The following KALRN variants were observed in gnomAD, a reference collection of about 807,000 sequenced individuals.
KALRN encodes the protein kalirin RhoGEF kinase.
Under a neutral mutation model 353.7 loss-of-function variants are expected in KALRN, and 70 were observed. The observed-to-expected ratio is 0.20, with a 90% CI of 0.16 to 0.24. The LOEUF (loss-of-function observed/expected upper bound fraction) is 0.24, where lower values mean the gene tolerates loss of function less well. KALRN is among the 10% of genes least tolerant of loss of function. KALRN has a pLI of 1.00. For synonymous variants in KALRN, 1,391 were observed against 1,434.8 expected (o/e 0.97, Z 0.69); for missense variants, 2,791 against 3,756.7 (o/e 0.74, Z 6.72).
chr3:124,319,120 T>G (rs2149357609), intron 6 of KALRN, among the ~76,000 whole-genome samples: 1 of 152,180 alleles, frequency 6.6e-6, no homozygotes, highest in South Asian at 2.1e-4. Context: ...TTGAGTAATT[T>G]CAACTTTGAT....
intron 34 of KALRN, among the ~76,000 whole-genome samples, chr3:124,572,333 A>C (rs987593529): frequency 2.0e-5 from 3 of 151,430 alleles, no homozygotes; most frequent in Non-Finnish European, 4.4e-5. Flanking sequence ...TCAAAAAAAA[A>C]CAAAAAACAA....
Position 124,720,380 on chromosome 3 carries a change from A to G in KALRN, c.*910A>G, listed in dbSNP as rs914642814. 4 of 152,674 alleles carry G rather than the reference A, an allele frequency of 2.6e-5. No individual in the cohort carries two copies. Among genetic ancestry groups the G allele is most frequent in the African/African-American group, 9.6e-5 (4 of 41,466 alleles). The allele number at this position is 152,674 out of a possible 1,614,324, so 9.5% of individuals were successfully genotyped here. ...GGTTTGAAATAAGTAAACAAATACA[A>G]GAGGTTCATATAAAAGGGCAAATGA... On this transcript the variant is annotated 3_prime_UTR_variant, in exon 60 of 60. Transcript: ENST00000682506.
At chr3:124,620,942 G>A (rs1010854150) in intron 34 of KALRN, among the ~76,000 whole-genome samples, 4 of 152,242 alleles carry the variant, frequency 2.6e-5, no homozygotes, top group Admixed American at 2.0e-4. Context: ...GGCCAGGGTC[G>A]TGGGGAGGAC....
At chr3:124,158,396 C>T (rs1184917476) in intron 1 of KALRN, among the ~76,000 whole-genome samples, 2 of 152,196 alleles carry the variant, frequency 1.3e-5, no homozygotes, top group Non-Finnish European at 2.9e-5. Context: ...AGCGTTTCTT[C>T]ATTACCTCTC....
At chr3:124,082,455 A>AGGT (rs2060592552) in intron 1 of KALRN, 1 of 365,174 alleles carries the variant, frequency 2.7e-6, no homozygotes, top group Non-Finnish European at 5.5e-6. Context: ...TTGGGGGGTG[A>AGGT]GGTGGTGGTG....
At chr3:124,297,836 C>T (rs1471733624) in intron 5 of KALRN, among the ~76,000 whole-genome samples, 1 of 152,214 alleles carries the variant, frequency 6.6e-6, no homozygotes, top group Non-Finnish European at 1.5e-5. Flanking sequence ...TCCACCCTTT[C>T]TCTACCCATT....
At chr3:124,502,656 G>A (rs1330259967) in intron 33 of KALRN, among the ~76,000 whole-genome samples, 1 of 152,146 alleles carries the variant, frequency 6.6e-6, no homozygotes, top group African/African-American at 2.4e-5. Context: ...GGATTTTGAA[G>A]GACTAGCTGA....
At chr3:124,696,821 C>T (rs333278) in intron 54 of KALRN, among the ~76,000 whole-genome samples, 7,905 of 152,342 alleles carry the variant, frequency 0.052, 337 homozygotes, top group African/African-American at 0.11. Flanking sequence ...CTTTCTGAAA[C>T]TGCATCTGTA....
intron 34 of KALRN, among the ~76,000 whole-genome samples, chr3:124,569,598 G>T (rs903017657): frequency 6.6e-6 from 1 of 152,122 alleles, no homozygotes; most frequent in Non-Finnish European, 1.5e-5. Flanking sequence ...CAAGCAGTGG[G>T]CCTAAATTTG....
chr3:124,119,329 G>A (rs1323368738), intron 1 of KALRN, among the ~76,000 whole-genome samples: 1 of 152,232 alleles, frequency 6.6e-6, no homozygotes, highest in Non-Finnish European at 1.5e-5. Flanking sequence ...TGAGGGGACT[G>A]ATGGTACAAA....
intron 34 of KALRN, among the ~76,000 whole-genome samples, chr3:124,596,786 G>A (rs745949758): frequency 3.9e-5 from 6 of 152,132 alleles, no homozygotes; most frequent in African/African-American, 7.2e-5. Flanking sequence ...GGTGGCCCAC[G>A]CCTGTAATCC....
chr3:124,191,524 T>G (rs976489746), intron 1 of KALRN, among the ~76,000 whole-genome samples: 2 of 152,214 alleles, frequency 1.3e-5, no homozygotes, highest in Non-Finnish European at 2.9e-5. Context: ...TATTAATATT[T>G]CCACAATATC....
At chr3:124,203,204 A>C (rs2076110655) in intron 1 of KALRN, among the ~76,000 whole-genome samples, 1 of 152,142 alleles carries the variant, frequency 6.6e-6, no homozygotes, top group Admixed American at 6.5e-5. Context: ...TGGGGTGCCA[A>C]CATTCTCCCT....
chr3:124,242,006 G>A (rs2080514098), intron 3 of KALRN, among the ~76,000 whole-genome samples: 1 of 152,218 alleles, frequency 6.6e-6, no homozygotes, highest in Non-Finnish European at 1.5e-5. Flanking sequence ...GAGAATGGCA[G>A]AGGATAGGGC....
At chr3:124,058,689 A>C (rs6808290) in intron 1 of KALRN, among the ~76,000 whole-genome samples, 139,106 of 152,208 alleles carry the variant, frequency 0.91, 64,341 homozygotes, top group South Asian at 1. Flanking sequence ...TTCTTACTAG[A>C]ATTGATCCAG....
chr3:124,180,128 G>T (rs2073371416), intron 1 of KALRN, among the ~76,000 whole-genome samples: 1 of 152,168 alleles, frequency 6.6e-6, no homozygotes. Flanking sequence ...ACCTTTCTTG[G>T]TTTCATCACT....
intron 34 of KALRN, among the ~76,000 whole-genome samples, chr3:124,601,446 C>T (rs934112971): frequency 1.3e-5 from 2 of 152,100 alleles, no homozygotes. Flanking sequence ...GGCCTTTTGC[C>T]CAGGTTTTGA....
intron 5 of KALRN, among the ~76,000 whole-genome samples, chr3:124,280,906 G>A (rs1323677721): frequency 6.6e-6 from 1 of 152,076 alleles, no homozygotes; most frequent in African/African-American, 2.4e-5. Flanking sequence ...TGTATCCCAT[G>A]GCTCTTCCTG....
intron 1 of KALRN, among the ~76,000 whole-genome samples, chr3:124,156,786 A>G (rs930602556): frequency 3.9e-5 from 6 of 152,180 alleles, no homozygotes; most frequent in African/African-American, 1.2e-4. Context: ...AAACAATGAC[A>G]TGGAGTTAGG....
Sources: allele counts gnomAD v4.1 joint callset (sites outside exome capture counted in the v4.1 genomes callset), GRCh38; gene constraint gnomAD v4.1.1; transcripts MANE v1.5; gene names NCBI Gene and HGNC (gene_info 2026-07-23, HGNC 2026-07-21).